Variants in NCOR1 observed in about 807,000 individuals in gnomAD.
The protein encoded by NCOR1 is protein phosphatase 1, regulatory subunit 109.
In NCOR1, 63 loss-of-function variants were observed where a neutral mutation model predicts 288.1. The ratio of observed to expected loss-of-function variants is 0.22; its 90% CI spans 0.18 to 0.27. The LOEUF is 0.27. Among genes scored for constraint, NCOR1 ranks in the 10% least tolerant of loss-of-function variants. The pLI is 1.00. For synonymous variants in NCOR1, 1,007 were observed against 1,065.9 expected (o/e 0.94, Z 1.08); for missense variants, 2,397 against 3,019.2 (o/e 0.79, Z 4.83).
intron 11 of NCOR1, 110 bp from the exon 12 acceptor site, chr17:16,139,296 A>G: frequency 1.3e-6 from 1 of 785,252 alleles, no homozygotes; most frequent in Non-Finnish European, 2.0e-6. Context: ...GCAGTTTAAT[A>G]ACAATAGCAG....
At chr17:16,091,754 AT>A (rs1437635349) in intron 22 of NCOR1, 108 bp downstream of exon 22, 1 of 1,559,798 alleles carries the variant, frequency 6.4e-7, no homozygotes, top group African/African-American at 1.4e-5. Flanking sequence ...GACAAATATA[AT>A]AATCAGTTGG....
intron 35 of NCOR1, 92 bp from the exon 36 acceptor site, chr17:16,062,362 A>T: frequency 2.4e-6 from 3 of 1,243,544 alleles, no homozygotes; most frequent in Non-Finnish European, 3.2e-6. Context: ...ATTTCCTAAC[A>T]TACCTAAATA....
chr17:16,057,800 T>C, intron 39 of NCOR1, 63 bp from the exon 40 acceptor site: 2 of 1,510,198 alleles, frequency 1.3e-6, no homozygotes, highest in Non-Finnish European at 1.8e-6. Flanking sequence ...AAAAATAGTA[T>C]TAAGAAATCT....
intron 18 of NCOR1, among the ~76,000 whole-genome samples, chr17:16,109,893 C>A (rs570416798): frequency 6.6e-6 from 1 of 152,252 alleles, no homozygotes; most frequent in East Asian, 1.9e-4. Context: ...GCCACCAGGC[C>A]CAGCTAATTT....
chr17:16,127,107 G>GTTTA (rs1176133257), intron 14 of NCOR1, among the ~76,000 whole-genome samples: 1 of 94,952 alleles, frequency 1.1e-5, no homozygotes, highest in Non-Finnish European at 2.4e-5. Flanking sequence ...AGGTGTGTGT[G>GTTTA]TGTATATGTA....
intron 4 of NCOR1, among the ~76,000 whole-genome samples, chr17:16,168,766 T>G (rs2082532083): frequency 6.6e-6 from 1 of 150,778 alleles, no homozygotes; most frequent in Admixed American, 6.6e-5. Context: ...AGGTCAGGAG[T>G]TCGAGACCAG....
At chr17:16,136,854 A>C (rs1159565539) in intron 14 of NCOR1, among the ~76,000 whole-genome samples, 1 of 151,516 alleles carries the variant, frequency 6.6e-6, no homozygotes, top group Non-Finnish European at 1.5e-5. Flanking sequence ...AACTATCTGA[A>C]CTCCACAAAT....
intron 18 of NCOR1, among the ~76,000 whole-genome samples, chr17:16,114,199 C>G (rs575032565): frequency 7.1e-6 from 1 of 139,890 alleles, no homozygotes; most frequent in South Asian, 2.4e-4. Flanking sequence ...CTTTCTAAAA[C>G]CAGTAGATCT....
In NCOR1 at chr17:16,151,971, T is replaced by G. The variant is rs751222300; in HGVS notation, c.817A>C (p.Lys273Gln). The G allele has an allele frequency of 1.3e-6, 2 of 1,599,412 alleles. No homozygotes were observed. Among genetic ancestry groups the G allele is most frequent in the Non-Finnish European group, 8.5e-7 (1 of 1,174,314 alleles). Reference protein sequence around the residue: ...LPLYNQPSDTKVYHENIKTNQ... With the variant: ...LPLYNQPSDTQVYHENIKTNQ... ...GTCTTGATGTTCTCATGGTACACCT[T>G]GGTATCTGATGGCTGGTTATACAGT... Residue 273 changes from lysine to glutamine, a missense_variant, in exon 8 of 46, where the codon AAG becomes CAG. Lys to Gln is a moderately conservative substitution (Grantham distance 53). Coordinates refer to ENST00000268712, the MANE Select transcript of NCOR1 (RefSeq NM_006311.4).
At chr17:16,056,787 C>T (rs1053051463) in intron 40 of NCOR1, among the ~76,000 whole-genome samples, 2 of 152,060 alleles carry the variant, frequency 1.3e-5, no homozygotes, top group Non-Finnish European at 2.9e-5. Context: ...TGGCATATAA[C>T]ATGTTTCCAC....
In NCOR1 at chr17:16,205,636, AAAAGAAG is replaced by A. The variant is rs2091404427; in HGVS notation, c.-71+9719_-71+9725del. Among the ~76,000 whole-genome samples the A allele has an allele frequency of 2.7e-4, 28 of 104,554 alleles. No homozygotes were observed. The South Asian group carries it at 5.5e-3, about 21-fold the overall frequency. The allele number at this position is 104,554 out of a possible 152,430, so 68.6% of individuals were successfully genotyped here. A position where few individuals can be genotyped will look rare whatever the true frequency, so the allele number is the denominator to read the frequency against. On this transcript the variant is annotated intron_variant, in intron 1 of 45. Coordinates refer to ENST00000268712, the MANE Select transcript of NCOR1 (RefSeq NM_006311.4). ...GGCTCTGTCTAAAAGAAAAGAAAAG[AAAAGAAG>A]AAAAAAAAAAAAGGTTGGGCGCAGT...
At chr17:16,183,040 A>G (rs1459641938) in intron 3 of NCOR1, among the ~76,000 whole-genome samples, 1 of 152,034 alleles carries the variant, frequency 6.6e-6, no homozygotes, top group Non-Finnish European at 1.5e-5. Context: ...TCCTTAACAT[A>G]ATAAAGGCCA....
At chr17:16,039,402 C>G in intron 44 of NCOR1, 31 bp downstream of exon 44, 1 of 1,598,572 alleles carries the variant, frequency 6.3e-7, no homozygotes, top group South Asian at 1.1e-5. Flanking sequence ...TGGGGAAAAG[C>G]AGCAGAAAAG....
rs1360762865 is a variant in NCOR1, at chr17:16,186,602, A to AGCTGTTGCTGCT, written c.182_193dup (p.Gln61_Gln64dup). 2.5e-6 allele frequency: 4 copies of AGCTGTTGCTGCT among 1,614,142 alleles called. No homozygotes were observed. Among genetic ancestry groups the AGCTGTTGCTGCT allele is most frequent in the Non-Finnish European group, 3.4e-6 (4 of 1,180,002 alleles). On this transcript the variant is annotated inframe_insertion, in exon 3 of 46. Transcript: ENST00000268712. ...TGAAAGCAAGGAAGGTCGCCTTCGAAGCTGTTGCTGCTGCTGTTGCTGCAA... is the reference window on the plus strand; with the variant it reads ...TGAAAGCAAGGAAGGTCGCCTTCGAAGCTGTTGCTGCTGCTGTTGCTGCTGCTGTTGCTGCAA...
At chr17:16,065,375 C>CTT in intron 33 of NCOR1, 110 bp downstream of exon 33, 1 of 1,232,906 alleles carries the variant, frequency 8.1e-7, no homozygotes, top group Non-Finnish European at 1.1e-6. Flanking sequence ...ATATAGTATT[C>CTT]TTTTCTTTCT....
chr17:16,114,160 A>AAAC (rs1555667913), intron 18 of NCOR1, among the ~76,000 whole-genome samples: 6 of 106,928 alleles, frequency 5.6e-5, no homozygotes, highest in Admixed American at 1.1e-4. Flanking sequence ...AAAAAAAAAA[A>AAAC]AAAAAAAAAC....
chr17:16,083,699 T>C (rs1387856028), intron 23 of NCOR1, among the ~76,000 whole-genome samples: 1 of 152,060 alleles, frequency 6.6e-6, no homozygotes, highest in Non-Finnish European at 1.5e-5. Context: ...GGGGAGGCAG[T>C]GCTGAGCAGG....
At chr17:16,053,996 A>G (rs914285914) in intron 40 of NCOR1, among the ~76,000 whole-genome samples, 1 of 151,622 alleles carries the variant, frequency 6.6e-6, no homozygotes, top group Non-Finnish European at 1.5e-5. Flanking sequence ...TCACATGCAG[A>G]AGACTGAAAC....
At chr17:16,053,829 T>C (rs976097986) in intron 40 of NCOR1, among the ~76,000 whole-genome samples, 4 of 151,956 alleles carry the variant, frequency 2.6e-5, no homozygotes, top group African/African-American at 4.8e-5. Flanking sequence ...CAGCATTGTA[T>C]TGGTACAAAG....
Sources: allele counts gnomAD v4.1 joint callset (sites outside exome capture counted in the v4.1 genomes callset), GRCh38; gene constraint gnomAD v4.1.1; transcripts MANE v1.5; gene names NCBI Gene and HGNC (gene_info 2026-07-23, HGNC 2026-07-21).